The following ITGAX variants were observed in gnomAD, a reference collection of about 807,000 sequenced individuals.
The protein encoded by ITGAX is integrin alpha-X.
ITGAX carries 99 observed loss-of-function variants against 140.2 expected under a neutral mutation model. The ratio of observed to expected loss-of-function variants is 0.71; its 90% CI spans 0.60 to 0.83. The LOEUF (loss-of-function observed/expected upper bound fraction) is 0.83. ITGAX is among the 40% of genes least tolerant of loss of function. ITGAX has a pLI of 0.00. For synonymous variants in ITGAX, 631 were observed against 600.4 expected, an observed-to-expected ratio of 1.05 and a Z score of -0.75; for missense variants, 1,444 against 1,482.0, an observed-to-expected ratio of 0.97 and a Z score of 0.42.
chr16:31,375,349 G>T (rs907156858), intron 20 of ITGAX, among the ~76,000 whole-genome samples: 3 of 152,162 alleles, frequency 2.0e-5, no homozygotes, highest in Non-Finnish European at 4.4e-5. Context: ...GATGAGTTTG[G>T]CCCCCTTTCC....
At chr16:31,369,006 T>A (rs568966497) in intron 14 of ITGAX, among the ~76,000 whole-genome samples, 421 of 152,356 alleles carry the variant, frequency 2.8e-3, no homozygotes, top group African/African-American at 9.7e-3. Context: ...CATGTCTACT[T>A]CTTTCTACAC....
intron 23 of ITGAX, 84 bp from the exon 24 acceptor site, chr16:31,379,484 C>CA: frequency 7.5e-7 from 1 of 1,327,362 alleles, no homozygotes; most frequent in South Asian, 1.3e-5. Context: ...CCCCACCGAC[C>CA]ACCTGTCCTC....
At position 31,361,183 on chromosome 16, in the gene ITGAX, C is replaced by G; in HGVS notation, c.982C>G (p.Gln328Glu). 6.2e-7 allele frequency: 1 copy of G among 1,612,900 alleles called. No homozygotes were observed. Among genetic ancestry groups the G allele is most frequent in the South Asian group, 1.1e-5 (1 of 90,866 alleles). The change falls in exon 9 of 30, where the codon CAA becomes GAA. Residue 328 changes from glutamine to glutamate, a missense_variant. Transcript: ENST00000268296. ...TGATGCTCTGAAAGATATTCAAAAC[C>G]AACTGAAGGAGAAGATCTTTGCCAT... ...DFDALKDIQN[Q>E]LKEKIFAIEG...
At position 31,355,198 on chromosome 16, in the gene ITGAX, T is replaced by C. The variant is rs1471069408; in HGVS notation, c.-57T>C. On this transcript the variant is annotated 5_prime_UTR_variant, in exon 1 of 30. Transcript: ENST00000268296. ...CCCACTTGCTTCCTCAGTACCTTGG[T>C]CCAGCTCTTCCTGCAACGGCCCAGG... is the stretch of plus-strand genomic sequence containing the variant. 3 of 1,602,462 alleles carry C rather than the reference T, an allele frequency of 1.9e-6. No homozygotes were observed. Among genetic ancestry groups the C allele is most frequent in the Non-Finnish European group, 2.6e-6 (3 of 1,170,820 alleles).
At chr16:31,370,995 A>G (rs1268176191) in intron 14 of ITGAX, 89 bp from the exon 15 acceptor site, 1 of 1,550,992 alleles carries the variant, frequency 6.4e-7, no homozygotes, top group Non-Finnish European at 8.9e-7. Flanking sequence ...TCCCTTTCCG[A>G]TGGTCCTACC....
At position 31,362,916 on chromosome 16, in the gene ITGAX, C is replaced by A. The variant is rs2080848699; in HGVS notation, c.1360-19C>A. The A allele has an allele frequency of 3.1e-6, 5 of 1,610,898 alleles. No individual in the cohort carries two copies. Among genetic ancestry groups the A allele is most frequent in the Non-Finnish European group, 3.4e-6 (4 of 1,179,322 alleles). ...CCTCTGGCAGGGACAGGCAGCATGACCCAGGCTCTGCCCTTCAGATCGGCT... is the reference window on the plus strand; with the variant it reads ...CCTCTGGCAGGGACAGGCAGCATGAACCAGGCTCTGCCCTTCAGATCGGCT... On this transcript the variant is annotated intron_variant, in intron 12 of 29. Coordinates refer to ENST00000268296, the MANE Select transcript of ITGAX (RefSeq NM_000887.5).
At chr16:31,357,602 G>A (rs957943845) in intron 5 of ITGAX, 3 of 534,052 alleles carry the variant, frequency 5.6e-6, no homozygotes, top group Admixed American at 3.7e-5. Context: ...TCTGTTGGAT[G>A]GGGATAATAA....
At chr16:31,361,543 C>T in intron 9 of ITGAX, 2 of 699,306 alleles carry the variant, frequency 2.9e-6, no homozygotes, top group Non-Finnish European at 5.0e-6. Context: ...TCCCACCAGC[C>T]ACTCACTCCC....
At chr16:31,369,663 A>G (rs887195057) in intron 14 of ITGAX, among the ~76,000 whole-genome samples, 6 of 152,176 alleles carry the variant, frequency 3.9e-5, no homozygotes, top group African/African-American at 7.2e-5. Flanking sequence ...CCAATCAAAT[A>G]TTTTATTTTT....
rs1441772074 is a variant in ITGAX, at chr16:31,382,575, C to G, written c.*668C>G. The G allele has an allele frequency of 5.3e-6, 4 of 760,690 alleles. No homozygotes were observed. In the African/African-American group the frequency reaches 6.9e-5, roughly 13 times the overall value. The allele number at this position is 760,690 out of a possible 1,614,324, so 47.1% of individuals were successfully genotyped here. On this transcript the variant is annotated 3_prime_UTR_variant, in exon 30 of 30. Transcript: ENST00000268296. ...GGCGCACAGCATGAGAGGCTCTGTG[C>G]CCCCATCACCCTCGTTTCCAGTGAA...
At chr16:31,362,524 G>A in intron 11 of ITGAX, 87 bp from the exon 12 acceptor site, 1 of 1,469,228 alleles carries the variant, frequency 6.8e-7, no homozygotes, top group South Asian at 1.3e-5. Context: ...CTGGGGAGGG[G>A]AGATGGTGCT....
At position 31,380,964 on chromosome 16, in the gene ITGAX, G is replaced by A. The variant is rs1238720979; in HGVS notation, c.3344G>A (p.Gly1115Glu). The A allele has an allele frequency of 6.2e-7, 1 of 1,613,974 alleles. No homozygotes were observed. Among genetic ancestry groups the A allele is most frequent in the African/African-American group, 1.3e-5 (1 of 74,898 alleles). The change falls in exon 29 of 30, where the codon GGG becomes GAG. Residue 1115 changes from glycine (G) to glutamate (E), a missense_variant. By Grantham distance (98) the Gly-to-Glu change is moderately conservative (BLOSUM62 -2). Transcript: ENST00000268296. ...CCCCTCATCGTAGGCAGCTCCATTG[G>A]GGGTCTGTTGCTGCTGGCACTCATC... ...PTPLIVGSSI[G>E]GLLLLALITA...
intron 14 of ITGAX, among the ~76,000 whole-genome samples, chr16:31,363,913 C>T (rs11574640): frequency 0.036 from 5,418 of 152,260 alleles, 138 homozygotes; most frequent in Non-Finnish European, 0.056. Flanking sequence ...TGCAGTCTCC[C>T]GGCTCCCTGC....
At chr16:31,360,277 C>T in intron 7 of ITGAX, 33 bp from the exon 8 acceptor site, 1 of 1,578,256 alleles carries the variant, frequency 6.3e-7, no homozygotes. Flanking sequence ...TGGTTTGGTT[C>T]ACAGGCCTCT....
Position 31,371,731 on chromosome 16 carries a change from G to C in ITGAX, c.2107G>C (p.Val703Leu), listed in dbSNP as rs1341128422. The C allele has an allele frequency of 6.2e-7, 1 of 1,614,160 alleles. No individual in the cohort carries two copies. The highest frequency in any genetic ancestry group is 1.7e-5 in the Admixed American group (1 of 60,026). ...QETKNRSLSRVRVLGLKAHCE... is the reference protein window; with the variant it reads ...QETKNRSLSRLRVLGLKAHCE... ...AACAAAGAACCGGAGTCTGAGCCGAGTCCGAGTCCTCGGGCTGAAGGCACA... is the reference window on the plus strand; with the variant it reads ...AACAAAGAACCGGAGTCTGAGCCGACTCCGAGTCCTCGGGCTGAAGGCACA... Residue 703 changes from valine (V) to leucine (L), a missense_variant, in exon 17 of 30, where the codon GTC (valine) becomes CTC (leucine). Physicochemically the swap from Val to Leu is conservative, Grantham distance 32. Transcript: ENST00000268296.
chr16:31,381,965 C>A lies in ITGAX; in HGVS notation c.*58C>A. On this transcript the variant is annotated 3_prime_UTR_variant, in exon 30 of 30. Coordinates refer to ENST00000268296, the MANE Select transcript of ITGAX (RefSeq NM_000887.5). ...CGAGTTTTCCCCACTTACTTACCCTCACCTGTCAGGCCTGACGGGGAGGAA... is the reference window on the plus strand; with the variant it reads ...CGAGTTTTCCCCACTTACTTACCCTAACCTGTCAGGCCTGACGGGGAGGAA... 7.2e-7 allele frequency: 1 copy of A among 1,389,436 alleles called. No individual in the cohort carries two copies. The highest frequency in any genetic ancestry group is 1.0e-6 in the Non-Finnish European group (1 of 982,340). The allele number at this position is 1,389,436 out of a possible 1,614,324, so 86.1% of individuals were successfully genotyped here.
chr16:31,378,972 C>T (rs1316982493), intron 23 of ITGAX, among the ~76,000 whole-genome samples: 3 of 152,030 alleles, frequency 2.0e-5, no homozygotes, highest in Non-Finnish European at 4.4e-5. Context: ...CCTGCCACCA[C>T]ACCTGGCTAA....
intron 14 of ITGAX, among the ~76,000 whole-genome samples, chr16:31,368,873 A>G (rs1357591583): frequency 2.6e-5 from 4 of 151,966 alleles, no homozygotes; most frequent in Admixed American, 6.6e-5. Context: ...CCCTTAATCC[A>G]TTTAACCCTG....
At position 31,359,733 on chromosome 16, in the gene ITGAX, T is replaced by C; in HGVS notation, c.464T>C (p.Leu155Pro). The change falls in exon 6 of 30, where the codon CTG (leucine) becomes CCG (proline). Residue 155 changes from leucine to proline, a missense_variant. Physicochemically the swap from Leu to Pro is moderately conservative, Grantham distance 98 (BLOSUM62 -3). Transcript: ENST00000268296. ...CPRQEQDIVF[L>P]IDGSGSISSR... is the part of the protein sequence containing the mutation. ...AGACAGGAGCAGGACATTGTGTTCC[T>C]GATCGATGGCTCAGGCAGCATCTCC... 1 of 1,614,200 alleles carries C rather than the reference T, an allele frequency of 6.2e-7. No individual in the cohort carries two copies.
Sources: gnomAD v4.1 joint callset for allele counts (sites outside exome capture counted in the v4.1 genomes callset) on GRCh38, gnomAD v4.1.1 for gene constraint, MANE v1.5 for transcripts, NCBI Gene and HGNC (gene_info 2026-07-23, HGNC 2026-07-21) for gene names.